Variants in HOMER1 observed in about 807,000 individuals in gnomAD.
The protein encoded by HOMER1 is homer scaffold protein 1.
Under a neutral mutation model 48.9 loss-of-function variants are expected in HOMER1, and 3 were observed. That is an observed-to-expected ratio of 0.06 (90% confidence interval 0.03 to 0.16). The LOEUF is 0.16. Ranked by LOEUF, HOMER1 falls within the 10% of genes least tolerant of loss-of-function variation. The pLI is 1.00. For synonymous variants in HOMER1, 134 were observed against 146.4 expected (o/e 0.92, Z 0.61); for missense variants, 247 against 411.4 (o/e 0.60, Z 3.46).
chr5:79,474,849 AG>A (rs1250250663), intron 1 of HOMER1, among the ~76,000 whole-genome samples: 1 of 152,218 alleles, frequency 6.6e-6, no homozygotes, highest in Non-Finnish European at 1.5e-5. Flanking sequence ...TAATAGTGAC[AG>A]GAAAAAAGCT....
chr5:79,397,851 T>C (rs1242519073), intron 6 of HOMER1: 14 of 355,946 alleles, frequency 3.9e-5, no homozygotes, highest in Non-Finnish European at 5.9e-5. Context: ...GGCTTAGTCA[T>C]AGAAAGGTTA....
intron 1 of HOMER1, among the ~76,000 whole-genome samples, chr5:79,482,722 A>C (rs1751980002): frequency 6.6e-6 from 1 of 152,098 alleles, no homozygotes; most frequent in Non-Finnish European, 1.5e-5. Context: ...TAATTGGGCC[A>C]GGTGGTAGCT....
intron 8 of HOMER1, among the ~76,000 whole-genome samples, chr5:79,394,967 C>A (rs1374492897): frequency 1.3e-5 from 2 of 152,108 alleles, no homozygotes; most frequent in African/African-American, 4.8e-5. Context: ...GTGTATATAA[C>A]TGAAAATACT....
At chr5:79,423,427 A>G (rs1426868668) in intron 5 of HOMER1, among the ~76,000 whole-genome samples, 1 of 152,160 alleles carries the variant, frequency 6.6e-6, no homozygotes, top group Admixed American at 6.5e-5. Context: ...ATTTTACATT[A>G]TTGTTGAAAA....
chr5:79,468,357 A>G (rs951490702), intron 1 of HOMER1, among the ~76,000 whole-genome samples: 1 of 152,218 alleles, frequency 6.6e-6, no homozygotes, highest in Admixed American at 6.5e-5. Flanking sequence ...ATTCAAATTG[A>G]GATGTGCTCT....
chr5:79,388,102 T>A (rs1299028295), intron 8 of HOMER1, among the ~76,000 whole-genome samples: 3 of 151,852 alleles, frequency 2.0e-5, no homozygotes, highest in Admixed American at 2.0e-4. Context: ...CCAGTGTGAA[T>A]GCCAGAATAC....
At chr5:79,503,532 G>GAA (rs1561390633) in intron 1 of HOMER1, among the ~76,000 whole-genome samples, 1 of 94,022 alleles carries the variant, frequency 1.1e-5, no homozygotes. Flanking sequence ...CTGTCACAAA[G>GAA]AGAAAAAAAA....
chr5:79,382,467 C>G (rs186597848), intron 8 of HOMER1, among the ~76,000 whole-genome samples: 1 of 152,226 alleles, frequency 6.6e-6, no homozygotes, highest in East Asian at 1.9e-4. Flanking sequence ...CAGCAGAAAC[C>G]TCACAGGCCA....
At chr5:79,454,411 GA>G (rs1288106033) in intron 2 of HOMER1, among the ~76,000 whole-genome samples, 1 of 151,486 alleles carries the variant, frequency 6.6e-6, no homozygotes, top group Non-Finnish European at 1.5e-5. Flanking sequence ...TTTGGGCCCA[GA>G]AACAAAACAG....
intron 8 of HOMER1, among the ~76,000 whole-genome samples, chr5:79,378,080 C>T (rs761443815): frequency 4.0e-5 from 6 of 151,874 alleles, no homozygotes; most frequent in Admixed American, 3.3e-4. Context: ...ATTAGCCAGG[C>T]GTGGTGGCAG....
At position 79,379,445 on chromosome 5, in the gene HOMER1, TTATATAA is replaced by T. The variant is rs1174796884; in HGVS notation, c.877-3255_877-3249del. Among the ~76,000 whole-genome samples the T allele has an allele frequency of 4.4e-5, 5 of 113,920 alleles. No individual in the cohort carries two copies. In the East Asian group the frequency reaches 1.1e-3, roughly 24 times the overall value. The allele number at this position is 113,920 out of a possible 152,430, so 74.7% of individuals were successfully genotyped here. On this transcript the variant is annotated intron_variant, in intron 8 of 8. Coordinates refer to ENST00000334082, the MANE Select transcript of HOMER1 (RefSeq NM_004272.5). ...TATATATTATATATTTATTATATAT[TTATATAA>T]TATATAATATATATTTTATATATAA... is the stretch of plus-strand genomic sequence containing the variant.
At chr5:79,407,166 C>T (rs991084616) in intron 5 of HOMER1, among the ~76,000 whole-genome samples, 1 of 152,120 alleles carries the variant, frequency 6.6e-6, no homozygotes, top group African/African-American at 2.4e-5. Context: ...ATCAAAATCC[C>T]TTTCAACCCC....
At chr5:79,395,924 G>A (rs13160416) in intron 8 of HOMER1, among the ~76,000 whole-genome samples, 1 of 152,088 alleles carries the variant, frequency 6.6e-6, no homozygotes, top group African/African-American at 2.4e-5. Context: ...TTATAATCTA[G>A]GTCCTCTTTC....
At chr5:79,431,061 T>C (rs1307461997) in intron 5 of HOMER1, among the ~76,000 whole-genome samples, 1 of 152,222 alleles carries the variant, frequency 6.6e-6, no homozygotes, top group Non-Finnish European at 1.5e-5. Context: ...CCTGGCGCAG[T>C]GGCTCACACC....
intron 2 of HOMER1, among the ~76,000 whole-genome samples, chr5:79,456,279 T>C (rs1751175256): frequency 6.6e-6 from 1 of 151,936 alleles, no homozygotes; most frequent in Non-Finnish European, 1.5e-5. Context: ...TTGAGAACAA[T>C]GAGGCTCAGA....
chr5:79,442,200 T>A (rs766054027), intron 4 of HOMER1, among the ~76,000 whole-genome samples: 45 of 151,620 alleles, frequency 3.0e-4, no homozygotes, highest in Non-Finnish European at 5.0e-4. Context: ...GAAGAAAAAA[T>A]TTATTTTTGG....
At chr5:79,422,181 C>T (rs1034872494) in intron 5 of HOMER1, among the ~76,000 whole-genome samples, 5 of 151,364 alleles carry the variant, frequency 3.3e-5, no homozygotes, top group East Asian at 1.9e-4. Flanking sequence ...GAGCCAAGAT[C>T]GTGCCACTGC....
In HOMER1 at chr5:79,428,778, G is replaced by A. The variant is rs189998701; in HGVS notation, c.527+10232C>T. ...AACAACATCACTGAAATTAATTAAA[G>A]AAGCTCCAAATAAATGGGAAAACAG... On this transcript the variant is annotated intron_variant, in intron 5 of 8. Coordinates refer to ENST00000334082, the MANE Select transcript of HOMER1 (RefSeq NM_004272.5). 5.9e-3 allele frequency among the ~76,000 whole-genome samples: 895 copies of A among 150,954 alleles called. 2 individuals are homozygous for A. Among genetic ancestry groups the A allele is most frequent in the Middle Eastern group, 0.02 (6 of 294 alleles).
At chr5:79,495,440 T>C (rs1752394469) in intron 1 of HOMER1, among the ~76,000 whole-genome samples, 2 of 152,168 alleles carry the variant, frequency 1.3e-5, no homozygotes, top group African/African-American at 4.8e-5. Flanking sequence ...AAGGTGGAGG[T>C]GGGCACTTCC....
Sources: gnomAD v4.1 joint callset for allele counts (sites outside exome capture counted in the v4.1 genomes callset) on GRCh38, gnomAD v4.1.1 for gene constraint, MANE v1.5 for transcripts, NCBI Gene and HGNC (gene_info 2026-07-23, HGNC 2026-07-21) for gene names.